Variants in GIT1 observed in about 807,000 individuals in gnomAD.
The protein encoded by GIT1 is GIT ArfGAP 1.
GIT1 carries 14 observed loss-of-function variants against 91.7 expected under a neutral mutation model. The observed-to-expected ratio is 0.15, with a 90% CI of 0.10 to 0.24. GIT1 has a LOEUF of 0.24. GIT1 is among the 10% of genes least tolerant of loss of function. The probability of loss-of-function intolerance (pLI) is 1.00; values close to 1 mark genes in which losing one functional copy is unlikely to be tolerated. For missense variants in GIT1, 717 were observed against 1,024.9 expected, an observed-to-expected ratio of 0.70 and a Z score of 4.10; for synonymous variants, 414 against 418.2, an observed-to-expected ratio of 0.99 and a Z score of 0.12.
At chr17:29,587,002 G>A (rs2033614774) in intron 1 of GIT1, among the ~76,000 whole-genome samples, 1 of 152,162 alleles carries the variant, frequency 6.6e-6, no homozygotes, top group African/African-American at 2.4e-5. Context: ...CTGGGGACAG[G>A]CTGCATCTCA....
At chr17:29,583,379 C>T in intron 2 of GIT1, 104 bp downstream of exon 2, 1 of 1,261,104 alleles carries the variant, frequency 7.9e-7, no homozygotes, top group Non-Finnish European at 1.1e-6. Flanking sequence ...CCCTTGGAAG[C>T]TGCAGATTCC....
Position 29,574,585 on chromosome 17 carries a change from C to T in GIT1, c.*117G>A, listed in dbSNP as rs757604901. 2 of 906,344 alleles carry T rather than the reference C, an allele frequency of 2.2e-6. No individual in the cohort carries two copies. Among genetic ancestry groups the T allele is most frequent in the South Asian group, 2.8e-5 (2 of 71,980 alleles). The allele number at this position is 906,344 out of a possible 1,614,324, so 56.1% of individuals were successfully genotyped here. On this transcript the variant is annotated 3_prime_UTR_variant, in exon 20 of 20. Coordinates refer to ENST00000225394, the MANE Select transcript of GIT1 (RefSeq NM_014030.4). ...GGCACCTGGCTGCCAGGGAGTGTGG[C>T]AGCACTAAGGGCACTTGTGCCAGTG...
At position 29,575,783 on chromosome 17, in the gene GIT1, C is replaced by T; in HGVS notation, c.1752+29G>A. 6.2e-7 allele frequency: 1 copy of T among 1,609,546 alleles called. No individual in the cohort carries two copies. The highest frequency in any genetic ancestry group is 8.5e-7 in the Non-Finnish European group (1 of 1,176,188). On this transcript the variant is annotated intron_variant, in intron 16 of 19. Coordinates refer to ENST00000225394, the MANE Select transcript of GIT1 (RefSeq NM_014030.4). The surrounding 1 kb of genome is among the most constrained non-coding windows in gnomAD (Gnocchi z 5.5). ...CCTAGCCCACACGGCCCCCAGCCAC[C>T]CTGTGGGCACTGGGCATGGAAACAT...
In GIT1 at chr17:29,589,305, C is replaced by T. The variant is rs2033724109; in HGVS notation, c.52+22G>A. 4.0e-6 allele frequency: 4 copies of T among 1,009,858 alleles called. No homozygotes were observed. The highest frequency in any genetic ancestry group is 3.5e-5 in the African/African-American group (2 of 57,136). The allele number at this position is 1,009,858 out of a possible 1,614,324, so 62.6% of individuals were successfully genotyped here. On this transcript the variant is annotated intron_variant, in intron 1 of 19. Coordinates refer to ENST00000225394, the MANE Select transcript of GIT1 (RefSeq NM_014030.4). The surrounding 1 kb of genome is among the most constrained non-coding windows in gnomAD (Gnocchi z 5.2). Reference sequence around the variant, plus strand: ...GCGGCGGCCTGGCTGTGCGGTCCCGCCCCCGGCCCCGCCGCGCTTACCCGG... The same window carrying T: ...GCGGCGGCCTGGCTGTGCGGTCCCGTCCCCGGCCCCGCCGCGCTTACCCGG...
intron 1 of GIT1, among the ~76,000 whole-genome samples, chr17:29,587,910 C>T (rs2033646665): frequency 6.6e-6 from 1 of 152,124 alleles, no homozygotes; most frequent in Non-Finnish European, 1.5e-5. Context: ...CATCCTCAGC[C>T]CTGCCATCCC....
At position 29,582,962 on chromosome 17, in the gene GIT1, T is replaced by G; in HGVS notation, c.262A>C (p.Ser88Arg). 6.2e-7 allele frequency: 1 copy of G among 1,612,354 alleles called. No homozygotes were observed. ...HSLLDPAQVQ[S>R]GRRKANPQDK... ...TGGGGGTTGGCTTTACGCCGGCCGC[T>G]CTGCACTTGTGCGGGGTCCAGCAGG... The change falls in exon 3 of 20, where the codon AGC becomes CGC. Residue 88 changes from serine to arginine, a missense_variant. Physicochemically the swap from Ser to Arg is moderately radical, Grantham distance 110 (BLOSUM62 -1). Transcript: ENST00000225394.
At chr17:29,578,642 G>T in intron 8 of GIT1, 89 bp downstream of exon 8, 1 of 1,201,278 alleles carries the variant, frequency 8.3e-7, no homozygotes, top group Non-Finnish European at 1.2e-6. Flanking sequence ...AAAGGTCATC[G>T]AGTCAGAGGC....
intron 1 of GIT1, chr17:29,583,853 A>G (rs903157714): frequency 1.1e-5 from 6 of 551,006 alleles, no homozygotes; most frequent in Admixed American, 3.4e-5. Context: ...CCTCTGGGAT[A>G]TGCAGTCCCC....
chr17:29,583,271 G>C (rs1445028286), intron 2 of GIT1, among the ~76,000 whole-genome samples: 4 of 152,196 alleles, frequency 2.6e-5, no homozygotes, highest in Non-Finnish European at 5.9e-5. Context: ...CGACCACGTT[G>C]ATAAGTGGCA....
At position 29,582,176 on chromosome 17, in the gene GIT1, A is replaced by T. The variant is rs765447777; in HGVS notation, c.406-32T>A. ...GGAGCAGAGTGTGCAGTGAATACGC[A>T]TGTGCGTGAGGCGCACCTCCCCACC... is the stretch of plus-strand genomic sequence containing the variant. On this transcript the variant is annotated intron_variant, in intron 4 of 19. Transcript: ENST00000225394. The T allele has an allele frequency of 2.8e-5, 41 of 1,482,522 alleles. 1 individual carries two copies. In the South Asian group the frequency reaches 4.7e-4, roughly 17 times the overall value. The allele number at this position is 1,482,522 out of a possible 1,614,324, so 91.8% of individuals were successfully genotyped here.
rs943257348 is a variant in GIT1, at chr17:29,581,656, G to C, written c.718+86C>G. The C allele has an allele frequency of 9.9e-7, 1 of 1,014,212 alleles. No individual in the cohort carries two copies. The highest frequency in any genetic ancestry group is 1.5e-6 in the Non-Finnish European group (1 of 657,584). The allele number at this position is 1,014,212 out of a possible 1,614,324, so 62.8% of individuals were successfully genotyped here. On this transcript the variant is annotated intron_variant, in intron 6 of 19. Transcript: ENST00000225394. The surrounding 1 kb of genome is among the most constrained non-coding windows in gnomAD (Gnocchi z 4.8). ...GCTCCCCAGCCGCTCTGTCACCATG[G>C]CACCTGCTGCCGGGTGCGTCCAGGT...
chr17:29,577,550 C>T (rs2033255883), intron 10 of GIT1, 95 bp downstream of exon 10: 1 of 851,264 alleles, frequency 1.2e-6, no homozygotes. Flanking sequence ...CTGGCAAATG[C>T]TGGAGAGCTG....
chr17:29,585,657 C>G (rs1315248720), intron 1 of GIT1, among the ~76,000 whole-genome samples: 1 of 152,188 alleles, frequency 6.6e-6, no homozygotes, highest in East Asian at 1.9e-4. Context: ...GGTGTCAGCT[C>G]ATTTCTGGAT....
rs752097815 is a variant in GIT1, at chr17:29,583,479, G to C, written c.186+4C>G. Reference sequence around the variant, plus strand: ...AGGAAGAACCACCCGACTGAGCCCTGTACCTGCAGCAGCGTGGGAGGCCAG... The same window carrying C: ...AGGAAGAACCACCCGACTGAGCCCTCTACCTGCAGCAGCGTGGGAGGCCAG... On this transcript the variant is annotated splice_donor_region_variant and intron_variant, in intron 2 of 19. Transcript: ENST00000225394. 1.2e-6 allele frequency: 2 copies of C among 1,611,488 alleles called. No homozygotes were observed. The highest frequency in any genetic ancestry group is 1.3e-5 in the African/African-American group (1 of 74,898).
In GIT1 at chr17:29,575,673, C is replaced by A; in HGVS notation, c.1783G>T (p.Asp595Tyr). The A allele has an allele frequency of 6.2e-7, 1 of 1,612,778 alleles. No individual in the cohort carries two copies. Among genetic ancestry groups the A allele is most frequent in the South Asian group, 1.1e-5 (1 of 91,068 alleles). Residue 595 changes from aspartate to tyrosine, a missense_variant, in exon 17 of 20, where the codon GAC (aspartate) becomes TAC (tyrosine). Physicochemically the swap from Asp to Tyr is radical, Grantham distance 160 (BLOSUM62 -3). Transcript: ENST00000225394. The surrounding 1 kb of genome is among the most constrained non-coding windows in gnomAD (Gnocchi z 5.5). ...SKLSRHGSGA[D>Y]SDYENTQSGD... Reference sequence around the variant, plus strand: ...CTTTGCGTGTTCTCATAGTCACTGTCGGCTCCACTGCCGTGGCGGGAAAGC... The same window carrying A: ...CTTTGCGTGTTCTCATAGTCACTGTAGGCTCCACTGCCGTGGCGGGAAAGC...
intron 7 of GIT1, 49 bp from the exon 8 acceptor site, chr17:29,578,828 G>A (rs1567771837): frequency 3.1e-6 from 5 of 1,593,546 alleles, no homozygotes; most frequent in East Asian, 2.2e-5. Flanking sequence ...AGACCTGAGA[G>A]GTGGCCAGGC....
chr17:29,582,626 G>C lies in GIT1; in HGVS notation c.405+72C>G, dbSNP rs190281080. 24 of 1,049,728 alleles carry C rather than the reference G, an allele frequency of 2.3e-5. No individual in the cohort carries two copies. In the Admixed American group the frequency reaches 4.3e-4, roughly 19 times the overall value. The allele number at this position is 1,049,728 out of a possible 1,614,324, so 65.0% of individuals were successfully genotyped here. On this transcript the variant is annotated intron_variant, in intron 4 of 19. Transcript: ENST00000225394. The stretch of plus-strand genomic sequence containing the variant: ...GGCCCAGGGCTCAGTGGGGACAAAG[G>C]AGAGGCCTTCAGAGAGTCGTGGATG...
Position 29,589,246 on chromosome 17 carries a change from C to A in GIT1, c.52+81G>T. On this transcript the variant is annotated intron_variant, in intron 1 of 19. Transcript: ENST00000225394. The surrounding 1 kb of genome is among the most constrained non-coding windows in gnomAD (Gnocchi z 5.2). ...CGCCCCGCCCAGCCCTCCGGCCCCG[C>A]ACAGCGCTCTTGCCAGGCCCCGGCG... 1 of 481,868 alleles carries A rather than the reference C, an allele frequency of 2.1e-6. No individual in the cohort carries two copies. Among genetic ancestry groups the A allele is most frequent in the Non-Finnish European group, 2.7e-6 (1 of 367,686 alleles). The allele number at this position is 481,868 out of a possible 1,614,324, so 29.8% of individuals were successfully genotyped here.
intron 12 of GIT1, 86 bp downstream of exon 12, chr17:29,576,777 C>T (rs2033220763): frequency 1.3e-6 from 2 of 1,575,838 alleles, no homozygotes; most frequent in African/African-American, 1.3e-5. Context: ...TCCCTCAGGC[C>T]CCTGGGCTAC....
Sources: gnomAD v4.1 joint callset for allele counts (sites outside exome capture counted in the v4.1 genomes callset) on GRCh38, gnomAD v4.1.1 for gene constraint, Gnocchi (gnomAD v3.1) non-coding constraint, MANE v1.5 for transcripts, NCBI Gene and HGNC (gene_info 2026-07-23, HGNC 2026-07-21) for gene names.